GFRAL: variants seen among roughly 807,000 people sequenced by gnomAD.
GFRAL encodes the protein GDNF family receptor alpha like.
In GFRAL, 36 loss-of-function variants were observed where a neutral mutation model predicts 45.4. The ratio of observed to expected loss-of-function variants is 0.79; its 90% CI spans 0.61 to 1.05. The LOEUF (loss-of-function observed/expected upper bound fraction) is 1.05, where lower values mean the gene tolerates loss of function less well. GFRAL is among the 50% of genes least tolerant of loss of function. GFRAL has a pLI of 0.00. For synonymous variants in GFRAL, 166 were observed against 154.1 expected (o/e 1.08, Z -0.57); for missense variants, 507 against 467.5 (o/e 1.08, Z -0.78).
chr6:55,331,607 C>G, intron 1 of GFRAL, 108 bp from the exon 2 acceptor site: 1 of 924,240 alleles, frequency 1.1e-6, no homozygotes. Context: ...AATTATTTCA[C>G]TACATGTTAT....
chr6:55,335,450 T>C (rs1272899871), intron 3 of GFRAL, among the ~76,000 whole-genome samples: 2 of 152,190 alleles, frequency 1.3e-5, no homozygotes, highest in Non-Finnish European at 2.9e-5. Context: ...TTAAAAATTT[T>C]GGTGAAATTG....
At chr6:55,355,249 AC>A (rs1341214077) in intron 5 of GFRAL, among the ~76,000 whole-genome samples, 3 of 151,818 alleles carry the variant, frequency 2.0e-5, no homozygotes, top group Admixed American at 6.6e-5. Context: ...AGGGGAGGGA[AC>A]TTAGAGGACA....
rs1447557888 is a variant in GFRAL, at chr6:55,399,238, C to A, written c.1011C>A (p.Asn337Lys). 1.2e-6 allele frequency: 2 copies of A among 1,606,994 alleles called. No individual in the cohort carries two copies. The highest frequency in any genetic ancestry group is 1.7e-6 in the Non-Finnish European group (2 of 1,175,136). Residue 337 changes from asparagine to lysine, a missense_variant, in exon 7 of 9, where the codon AAC becomes AAA. Physicochemically the swap from Asn to Lys is moderately conservative, Grantham distance 94. Coordinates refer to ENST00000340465, the MANE Select transcript of GFRAL (RefSeq NM_207410.2). ...GMALYTRKHA[N>K]KITLTGFHSP... is the part of the protein sequence containing the mutation. ...CATTGTATACAAGAAAACATGCAAA[C>A]AAAATCACTTTAACTGGATTTCATT...
Position 55,350,207 on chromosome 6 carries a change from T to A in GFRAL, c.370+62T>A, listed in dbSNP as rs1038911058. 2.7e-5 allele frequency: 27 copies of A among 989,426 alleles called. No individual in the cohort carries two copies. The African/African-American group carries it at 4.0e-4, about 15-fold the overall frequency. The allele number at this position is 989,426 out of a possible 1,614,324, so 61.3% of individuals were successfully genotyped here. A position where few individuals can be genotyped will look rare whatever the true frequency, so the allele number is the denominator to read the frequency against. On this transcript the variant is annotated intron_variant, in intron 4 of 8. Coordinates refer to ENST00000340465, the MANE Select transcript of GFRAL (RefSeq NM_207410.2). ...AAATACCTGATAATATAAAATGCAG[T>A]TACCAGGCTTCTTAAAGATAGGCCA...
chr6:55,396,297 A>G (rs1768823933), intron 6 of GFRAL, among the ~76,000 whole-genome samples: 1 of 152,224 alleles, frequency 6.6e-6, no homozygotes, highest in South Asian at 2.1e-4. Flanking sequence ...ATGTGAGAGA[A>G]ATTTAGTAAA....
intron 3 of GFRAL, among the ~76,000 whole-genome samples, chr6:55,346,579 T>C (rs1768045143): frequency 6.6e-6 from 1 of 151,818 alleles, no homozygotes. Context: ...CATTAGGAGA[T>C]ATACCTAATG....
At chr6:55,377,303 A>G (rs1768548329) in intron 6 of GFRAL, among the ~76,000 whole-genome samples, 2 of 152,032 alleles carry the variant, frequency 1.3e-5, no homozygotes. Flanking sequence ...TAGGCTAGGC[A>G]TCACTAAGCC....
At chr6:55,364,326 T>C (rs1768326975) in intron 6 of GFRAL, among the ~76,000 whole-genome samples, 1 of 150,778 alleles carries the variant, frequency 6.6e-6, no homozygotes, top group Admixed American at 6.6e-5. Flanking sequence ...TCATTGTAGA[T>C]TCTGGATATT....
intron 3 of GFRAL, among the ~76,000 whole-genome samples, chr6:55,339,469 A>G (rs1405496235): frequency 6.6e-6 from 1 of 152,192 alleles, no homozygotes; most frequent in African/African-American, 2.4e-5. Flanking sequence ...GAGTAGATAA[A>G]AAACATAAAG....
At chr6:55,333,055 ATAT>A (rs1277789695) in intron 2 of GFRAL, among the ~76,000 whole-genome samples, 1 of 152,120 alleles carries the variant, frequency 6.6e-6, no homozygotes, top group African/African-American at 2.4e-5. Flanking sequence ...TGTTGTTAAA[ATAT>A]TATATTTAGG....
chr6:55,391,940 T>G (rs1017940739), intron 6 of GFRAL, among the ~76,000 whole-genome samples: 11 of 152,254 alleles, frequency 7.2e-5, no homozygotes, highest in Non-Finnish European at 4.4e-5. Context: ...CAGCTTCTAT[T>G]GCCTATGTTT....
At chr6:55,336,755 A>G (rs1767896049) in intron 3 of GFRAL, among the ~76,000 whole-genome samples, 1 of 152,108 alleles carries the variant, frequency 6.6e-6, no homozygotes, top group Non-Finnish European at 1.5e-5. Context: ...AGCTTTCAAT[A>G]TATTAAATAG....
At chr6:55,389,765 T>C (rs564117407) in intron 6 of GFRAL, among the ~76,000 whole-genome samples, 1 of 152,356 alleles carries the variant, frequency 6.6e-6, no homozygotes, top group Admixed American at 6.5e-5. Flanking sequence ...TTTCTAATTC[T>C]CATTATGTAT....
intron 3 of GFRAL, among the ~76,000 whole-genome samples, chr6:55,335,516 T>C (rs1767879682): frequency 6.6e-6 from 1 of 152,166 alleles, no homozygotes; most frequent in Non-Finnish European, 1.5e-5. Flanking sequence ...CTAATAAATA[T>C]TTAATTCACA....
intron 6 of GFRAL, among the ~76,000 whole-genome samples, chr6:55,379,139 A>G (rs145249404): frequency 0.029 from 4,396 of 152,060 alleles, 87 homozygotes; most frequent in African/African-American, 0.05. Flanking sequence ...TGTATATGTT[A>G]CACACTGTGC....
At chr6:55,327,969 TTTTA>T (rs1347584290) in intron 1 of GFRAL, among the ~76,000 whole-genome samples, 3 of 152,010 alleles carry the variant, frequency 2.0e-5, no homozygotes, top group African/African-American at 7.2e-5. Flanking sequence ...CTGTTATCTA[TTTTA>T]TTTATTTTGC....
At chr6:55,384,216 A>T (rs892020443) in intron 6 of GFRAL, among the ~76,000 whole-genome samples, 4 of 151,958 alleles carry the variant, frequency 2.6e-5, no homozygotes, top group South Asian at 2.1e-4. Flanking sequence ...GCACGTGTAT[A>T]TCTATGTAAC....
At chr6:55,395,173 A>ATATATATAT (rs35935725) in intron 6 of GFRAL, among the ~76,000 whole-genome samples, 11 of 103,548 alleles carry the variant, frequency 1.1e-4, no homozygotes, top group South Asian at 9.3e-4. Context: ...AAAAAAAAAA[A>ATATATATAT]AAATATATAT....
intron 3 of GFRAL, among the ~76,000 whole-genome samples, chr6:55,340,534 G>C (rs1767948658): frequency 6.6e-6 from 1 of 151,988 alleles, no homozygotes; most frequent in Admixed American, 6.6e-5. Context: ...AAACAAAAGT[G>C]GTTGGCAGCA....
Sources: gnomAD v4.1 joint callset for allele counts (sites outside exome capture counted in the v4.1 genomes callset) on GRCh38, gnomAD v4.1.1 for gene constraint, MANE v1.5 for transcripts, NCBI Gene and HGNC (gene_info 2026-07-23, HGNC 2026-07-21) for gene names.